Variants in DNM1L observed in about 807,000 individuals in gnomAD.
DNM1L encodes dynamin-1-like protein.
Under a neutral mutation model 92.8 loss-of-function variants are expected in DNM1L, and 33 were observed. That is an observed-to-expected ratio of 0.36 (90% CI 0.27 to 0.48). The LOEUF is 0.48. DNM1L is among the 20% of genes least tolerant of loss of function. The pLI is 0.99. For missense variants in DNM1L, 485 were observed against 888.8 expected (o/e 0.55, Z 5.78); for synonymous variants, 284 against 305.0 (o/e 0.93, Z 0.72).
intron 1 of DNM1L, among the ~76,000 whole-genome samples, chr12:32,699,281 A>G (rs929176035): frequency 6.6e-6 from 1 of 152,048 alleles, no homozygotes; most frequent in African/African-American, 2.4e-5. Flanking sequence ...CGTTCTTGCA[A>G]CTTTTTTTGT....
At chr12:32,727,318 G>C in intron 9 of DNM1L, 1 of 875,284 alleles carries the variant, frequency 1.1e-6, no homozygotes, top group Non-Finnish European at 2.0e-6. Flanking sequence ...AGGTTTTTGA[G>C]AGCATTCACT....
At position 32,738,262 on chromosome 12, in the gene DNM1L, A is replaced by G. The variant is rs1461069489; in HGVS notation, c.1675-2A>G. 4 of 1,613,650 alleles carry G rather than the reference A, an allele frequency of 2.5e-6. No individual in the cohort carries two copies. The highest frequency in any genetic ancestry group is 3.4e-6 in the Non-Finnish European group (4 of 1,179,750). On this transcript the variant is annotated splice_acceptor_variant, in intron 15 of 19. Transcript: ENST00000549701. LOFTEE classifies it high-confidence loss of function. ...TGCATGTTTTAACATATCTTTTAAC[A>G]GTTAATTCAGGACAGCAGAAGAGAA...
intron 13 of DNM1L, 187 bp from the exon 14 acceptor site, chr12:32,736,918 A>G (rs1954921876): frequency 1.6e-6 from 1 of 607,166 alleles, no homozygotes; most frequent in South Asian, 2.0e-5. Flanking sequence ...GAAAAAAAAA[A>G]GATTAAGAAG....
At chr12:32,738,118 T>A in intron 15 of DNM1L, 146 bp from the exon 16 acceptor site, 1 of 1,103,212 alleles carries the variant, frequency 9.1e-7, no homozygotes, top group Non-Finnish European at 1.3e-6. Flanking sequence ...TAGTTTATAT[T>A]GTTGACATGC....
intron 1 of DNM1L, among the ~76,000 whole-genome samples, chr12:32,700,487 C>A (rs1952657749): frequency 6.6e-6 from 1 of 152,084 alleles, no homozygotes; most frequent in Non-Finnish European, 1.5e-5. Flanking sequence ...GTGGTTCATG[C>A]CTGTAATCCC....
At chr12:32,711,143 C>T (rs1337726817) in intron 5 of DNM1L, 128 bp downstream of exon 5, 31 of 815,560 alleles carry the variant, frequency 3.8e-5, no homozygotes, top group Non-Finnish European at 5.8e-5. Flanking sequence ...TTGAGCCCTC[C>T]TTTCTCCTTG....
chr12:32,741,808 T>C (rs1013134271), intron 18 of DNM1L, among the ~76,000 whole-genome samples: 9 of 152,218 alleles, frequency 5.9e-5, no homozygotes, highest in African/African-American at 1.7e-4. Context: ...CCTGGAGCAA[T>C]AGGCTATCCC....
intron 1 of DNM1L, chr12:32,692,426 A>G (rs1952269199): frequency 6.6e-6 from 1 of 152,212 alleles, no homozygotes; most frequent in Admixed American, 6.5e-5. Context: ...AACAGCACCT[A>G]AACTGGGGTT....
chr12:32,710,103 CT>C (rs1456666708), intron 4 of DNM1L, among the ~76,000 whole-genome samples: 3 of 152,126 alleles, frequency 2.0e-5, no homozygotes, highest in Admixed American at 1.3e-4. Flanking sequence ...AATCCTAATA[CT>C]TGTAGAGGGC....
chr12:32,704,234 G>GT (rs1268632914), intron 2 of DNM1L, among the ~76,000 whole-genome samples: 1 of 152,192 alleles, frequency 6.6e-6, no homozygotes, highest in South Asian at 2.1e-4. Flanking sequence ...TAAAGCAAAA[G>GT]TTTTTTGTTT....
chr12:32,732,443 T>A (rs1412452954), intron 12 of DNM1L: 2 of 448,018 alleles, frequency 4.5e-6, no homozygotes, highest in African/African-American at 4.0e-5. Context: ...ATGCTGAAAT[T>A]GGCAGAAATA....
rs959636921 is a variant in DNM1L at position 32,744,863 on chromosome 12, A to G, written c.*1453A>G. ...GATGATTCTTGGTATGAACGACTAT[A>G]TTATAAATTTTAAGATGTACTTAGA... On this transcript the variant is annotated 3_prime_UTR_variant, in exon 20 of 20. Transcript: ENST00000549701. 2.0e-6 allele frequency: 1 copy of G among 502,382 alleles called. No individual in the cohort carries two copies. The highest frequency in any genetic ancestry group is 4.0e-6 in the Non-Finnish European group (1 of 250,742). 31.1% of individuals were successfully genotyped at this position (502,382 alleles called of 1,614,324 possible).
At chr12:32,713,839 CATT>C (rs886386801) in intron 6 of DNM1L, among the ~76,000 whole-genome samples, 31 of 152,108 alleles carry the variant, frequency 2.0e-4, no homozygotes, top group African/African-American at 7.5e-4. Flanking sequence ...AGTAGGTAAT[CATT>C]GTAGATTATT....
At chr12:32,727,339 C>T (rs1480627459) in intron 9 of DNM1L, 1 of 799,314 alleles carries the variant, frequency 1.3e-6, no homozygotes, top group African/African-American at 1.7e-5. Flanking sequence ...CCTCTTTTAA[C>T]TACCCTAGCT....
At chr12:32,723,887 G>A (rs1406847370) in intron 9 of DNM1L, among the ~76,000 whole-genome samples, 1 of 152,088 alleles carries the variant, frequency 6.6e-6, no homozygotes, top group Non-Finnish European at 1.5e-5. Context: ...TCTCAGGAGA[G>A]GAATGGATAG....
chr12:32,711,399 C>T (rs1000590480), intron 5 of DNM1L: 5 of 204,128 alleles, frequency 2.4e-5, no homozygotes, highest in Non-Finnish European at 5.0e-5. Flanking sequence ...ATTCAAATAT[C>T]TCCAGACTTG....
At chr12:32,695,664 G>A (rs1952415703) in intron 1 of DNM1L, among the ~76,000 whole-genome samples, 1 of 152,000 alleles carries the variant, frequency 6.6e-6, no homozygotes, top group Non-Finnish European at 1.5e-5. Flanking sequence ...CCAGCTACTC[G>A]GGAGGGTGAG....
chr12:32,735,613 G>A (rs1208740942), intron 13 of DNM1L, among the ~76,000 whole-genome samples: 1 of 152,090 alleles, frequency 6.6e-6, no homozygotes, highest in African/African-American at 2.4e-5. Flanking sequence ...GTGTGCGGTG[G>A]CTCATGCCTG....
At chr12:32,705,590 A>C in intron 2 of DNM1L, 1 of 401,510 alleles carries the variant, frequency 2.5e-6, no homozygotes, top group Non-Finnish European at 4.4e-6. Flanking sequence ...TGTTTCTATG[A>C]CTTAAAAATA....
Sources: allele counts gnomAD v4.1 joint callset (sites outside exome capture counted in the v4.1 genomes callset), GRCh38; gene constraint gnomAD v4.1.1; transcripts MANE v1.5; gene names NCBI Gene and HGNC (gene_info 2026-07-23, HGNC 2026-07-21).